Variants in NANS observed in about 807,000 individuals in gnomAD.
The protein encoded by NANS is N-acetylneuraminate-9-phosphate synthase.
A neutral mutation model predicts 33.3 loss-of-function variants in NANS; 29 were observed. The ratio of observed to expected loss-of-function variants is 0.87; its 90% CI spans 0.65 to 1.19. The LOEUF (loss-of-function observed/expected upper bound fraction) is 1.19. Among genes scored for constraint, NANS ranks in the 50% most tolerant of loss-of-function variants. The pLI, the probability that NANS is intolerant of heterozygous loss-of-function variation, is 0.00. For synonymous variants in NANS, 163 were observed against 177.2 expected, an observed-to-expected ratio of 0.92 and a Z score of 0.64; for missense variants, 394 against 461.1, an observed-to-expected ratio of 0.85 and a Z score of 1.33.
At chr9:98,058,849 G>A (rs1828896493) in intron 1 of NANS, among the ~76,000 whole-genome samples, 1 of 152,164 alleles carries the variant, frequency 6.6e-6, no homozygotes, top group African/African-American at 2.4e-5. Flanking sequence ...ACTTTAGTCA[G>A]GTCAGTCTGG....
At chr9:98,067,425 TCTAGCCATC>T (rs2131630370) in intron 2 of NANS, among the ~76,000 whole-genome samples, 1 of 152,316 alleles carries the variant, frequency 6.6e-6, no homozygotes, top group East Asian at 1.9e-4. Flanking sequence ...ACCTCCTGAT[TCTAGCCATC>T]CTAGTGGATG....
At chr9:98,082,710 A>G (rs537405420) in intron 5 of NANS, 136 bp from the exon 6 acceptor site, 3 of 677,904 alleles carry the variant, frequency 4.4e-6, no homozygotes, top group South Asian at 1.9e-5. Context: ...TATTCTGAGC[A>G]GTGTAGGGGG....
intron 1 of NANS, among the ~76,000 whole-genome samples, chr9:98,057,696 G>T (rs1255980823): frequency 6.6e-6 from 1 of 151,970 alleles, no homozygotes; most frequent in Admixed American, 6.6e-5. Flanking sequence ...TCTTCATTAC[G>T]ACCCCAGCCC....
intron 2 of NANS, among the ~76,000 whole-genome samples, chr9:98,070,774 T>TA (rs758925592): frequency 6.6e-6 from 1 of 150,640 alleles, no homozygotes; most frequent in Non-Finnish European, 1.5e-5. Context: ...CATCAAAAAA[T>TA]AAAAATAAAA....
rs772576356 is a variant in NANS, at chr9:98,083,075, G to C, written c.*20G>C. The C allele has an allele frequency of 2.2e-5, 36 of 1,609,934 alleles. No homozygotes were observed. The South Asian group carries it at 4.0e-4, about 18-fold the overall frequency. The stretch of plus-strand genomic sequence containing the variant: ...TCTTAAAAATAAAGTGCCATTCTCT[G>C]AATTCTCAGTTCCCTTGCTGATGCT... On this transcript the variant is annotated 3_prime_UTR_variant, in exon 6 of 6. Coordinates refer to ENST00000210444, the MANE Select transcript of NANS (RefSeq NM_018946.4).
intron 2 of NANS, among the ~76,000 whole-genome samples, chr9:98,064,930 G>C (rs1407711020): frequency 6.6e-6 from 1 of 152,138 alleles, no homozygotes; most frequent in African/African-American, 2.4e-5. Flanking sequence ...AGTGGGGACA[G>C]ATTTTTTTTT....
chr9:98,057,044 C>A, intron 1 of NANS, 104 bp downstream of exon 1: 1 of 1,366,426 alleles, frequency 7.3e-7, no homozygotes, highest in Non-Finnish European at 9.6e-7. Context: ...GTACCCTGGT[C>A]CGGCCTCTTC....
intron 1 of NANS, 104 bp from the exon 2 acceptor site, chr9:98,060,678 A>G (rs1587903522): frequency 9.1e-7 from 1 of 1,097,570 alleles, no homozygotes; most frequent in Non-Finnish European, 1.4e-6. Flanking sequence ...CTCTAAATAA[A>G]TAAATAAATA....
intron 2 of NANS, among the ~76,000 whole-genome samples, chr9:98,067,057 T>G (rs1012803128): frequency 1.3e-5 from 2 of 152,220 alleles, no homozygotes; most frequent in African/African-American, 2.4e-5. Flanking sequence ...ACATTGTGTT[T>G]TCATTTATGT....
intron 2 of NANS, among the ~76,000 whole-genome samples, chr9:98,070,179 A>G (rs1162734735): frequency 2.0e-5 from 3 of 152,136 alleles, no homozygotes; most frequent in Non-Finnish European, 1.5e-5. Context: ...GTGCAGTGGC[A>G]CGATTGTGGC....
rs534045957 is a variant in NANS, at chr9:98,072,046, C to G, written c.349-4872C>G. Among the ~76,000 whole-genome samples the G allele has an allele frequency of 3.9e-5, 6 of 152,302 alleles. No individual in the cohort carries two copies. The South Asian group carries it at 1.2e-3, about 32-fold the overall frequency. ...TCCTTCCCTCTGCTCCCCAGGCAGC[C>G]CATTTGCTTGGTGTCTGTGATGGGT... On this transcript the variant is annotated intron_variant, in intron 2 of 5. Transcript: ENST00000210444.
intron 2 of NANS, chr9:98,061,259 C>CTGCT: frequency 4.6e-6 from 2 of 431,916 alleles, no homozygotes; most frequent in South Asian, 5.3e-5. Context: ...GATGGATCAC[C>CTGCT]TGAGGTCAGG....
intron 1 of NANS, among the ~76,000 whole-genome samples, chr9:98,060,363 G>A (rs1828938657): frequency 6.6e-6 from 1 of 152,126 alleles, no homozygotes; most frequent in African/African-American, 2.4e-5. Flanking sequence ...GTCAGTCTAT[G>A]TTGTTTTTAA....
intron 2 of NANS, among the ~76,000 whole-genome samples, chr9:98,071,861 T>C (rs1392848582): frequency 2.6e-5 from 4 of 152,242 alleles, no homozygotes; most frequent in Admixed American, 6.5e-5. Context: ...CCTGAGCTCC[T>C]GGATCTGACC....
At chr9:98,079,635 C>G (rs144110604) in intron 4 of NANS, among the ~76,000 whole-genome samples, 1 of 152,240 alleles carries the variant, frequency 6.6e-6, no homozygotes, top group African/African-American at 2.4e-5. Context: ...AAGTAAACAT[C>G]CCCTGCACTC....
rs371035358 is a variant in NANS, at chr9:98,072,985, T to C, written c.349-3933T>C. 3.3e-5 allele frequency among the ~76,000 whole-genome samples: 5 copies of C among 152,328 alleles called. No individual in the cohort carries two copies. In the East Asian group the frequency reaches 7.7e-4, roughly 24 times the overall value. On this transcript the variant is annotated intron_variant, in intron 2 of 5. Transcript: ENST00000210444. ...AACCGTCAGGGCTTCTGGTTGAAAGTTGCACCAAGGCTGTGGAACTCAGGT... is the reference window on the plus strand; with the variant it reads ...AACCGTCAGGGCTTCTGGTTGAAAGCTGCACCAAGGCTGTGGAACTCAGGT...
chr9:98,061,149 A>G, intron 2 of NANS, 152 bp downstream of exon 2: 1 of 691,422 alleles, frequency 1.4e-6, no homozygotes, highest in South Asian at 1.8e-5. Flanking sequence ...AAGCCCAGTG[A>G]GAATCTGTGG....
At chr9:98,066,673 CAG>C (rs1464542544) in intron 2 of NANS, among the ~76,000 whole-genome samples, 4 of 148,780 alleles carry the variant, frequency 2.7e-5, no homozygotes, top group African/African-American at 5.0e-5. Flanking sequence ...TTTTTTGAGA[CAG>C]AGTCTCGCTC....
chr9:98,061,793 T>A (rs1236715390), intron 2 of NANS, among the ~76,000 whole-genome samples: 10 of 146,434 alleles, frequency 6.8e-5, no homozygotes, highest in Non-Finnish European at 1.4e-4. Flanking sequence ...AAAAAAAAAA[T>A]TAATAATAAT....
Sources: allele counts gnomAD v4.1 joint callset (sites outside exome capture counted in the v4.1 genomes callset), GRCh38; gene constraint gnomAD v4.1.1; transcripts MANE v1.5; gene names NCBI Gene and HGNC (gene_info 2026-07-23, HGNC 2026-07-21).